The following NETO1 variants were observed in gnomAD, a reference collection of about 807,000 sequenced individuals.
NETO1 encodes neuropilin and tolloid like 1.
In NETO1, 26 loss-of-function variants were observed where a neutral mutation model predicts 61.3. The ratio of observed to expected loss-of-function variants is 0.42; its 90% CI spans 0.31 to 0.59. NETO1 has a LOEUF of 0.59. Ranked by LOEUF, NETO1 falls within the 20% of genes least tolerant of loss-of-function variation. The pLI is 0.12. For synonymous variants in NETO1, 225 were observed against 225.8 expected, an observed-to-expected ratio of 1.00 and a Z score of 0.03; for missense variants, 531 against 662.8, an observed-to-expected ratio of 0.80 and a Z score of 2.18.
chr18:72,790,201 T>C (rs1028039972), intron 6 of NETO1, among the ~76,000 whole-genome samples: 1 of 152,128 alleles, frequency 6.6e-6, no homozygotes, highest in Non-Finnish European at 1.5e-5. Flanking sequence ...TTTGACTCTG[T>C]CCCGTATCCC....
chr18:72,814,913 G>T (rs762432291), intron 4 of NETO1, among the ~76,000 whole-genome samples: 4 of 151,138 alleles, frequency 2.6e-5, no homozygotes, highest in Non-Finnish European at 5.9e-5. Context: ...TACCACCATA[G>T]GGACAGAGCT....
intron 4 of NETO1, among the ~76,000 whole-genome samples, chr18:72,821,930 C>T (rs2145302661): frequency 6.6e-6 from 1 of 152,278 alleles, no homozygotes; most frequent in East Asian, 1.9e-4. Flanking sequence ...GGGTTACAGA[C>T]TTGGCTTTTT....
intron 7 of NETO1, among the ~76,000 whole-genome samples, chr18:72,758,563 G>A (rs1291594730): frequency 6.6e-6 from 1 of 152,216 alleles, no homozygotes; most frequent in Admixed American, 6.5e-5. Flanking sequence ...GAGGCTGGGC[G>A]TGGTGGCTCA....
chr18:72,744,544 G>A lies in NETO1; in HGVS notation c.*3635C>T, dbSNP rs2070392222. 1 of 152,062 alleles carries A rather than the reference G, an allele frequency of 6.6e-6. No homozygotes were observed. The highest frequency in any genetic ancestry group is 6.6e-5 in the Admixed American group (1 of 15,246). The allele number at this position is 152,062 out of a possible 1,614,324, so 9.4% of individuals were successfully genotyped here. On this transcript the variant is annotated 3_prime_UTR_variant, in exon 11 of 11. Transcript: ENST00000327305. ...ACGCTAGAGTGCAATAGATAGAAATGAATCCATGGAGGGAAAAGGGCACAG... is the reference window on the plus strand; with the variant it reads ...ACGCTAGAGTGCAATAGATAGAAATAAATCCATGGAGGGAAAAGGGCACAG...
intron 4 of NETO1, among the ~76,000 whole-genome samples, chr18:72,822,784 C>T (rs764605655): frequency 9.9e-5 from 15 of 152,086 alleles, no homozygotes; most frequent in Non-Finnish European, 1.2e-4. Context: ...TAAGTTTGTA[C>T]ATATAATCAT....
chr18:72,821,234 TA>T (rs10672110), intron 4 of NETO1, among the ~76,000 whole-genome samples: 4,673 of 80,174 alleles, frequency 0.058, 294 homozygotes, highest in East Asian at 0.38. Context: ...TCATATTAAC[TA>T]AAAAAAAAAA....
intron 4 of NETO1, among the ~76,000 whole-genome samples, chr18:72,844,075 G>A (rs976445052): frequency 3.9e-5 from 6 of 152,176 alleles, no homozygotes; most frequent in Admixed American, 1.3e-4. Context: ...TCATTGTTAC[G>A]TCTCTTGAAA....
chr18:72,819,774 G>A (rs1351327606), intron 4 of NETO1, among the ~76,000 whole-genome samples: 1 of 152,042 alleles, frequency 6.6e-6, no homozygotes, highest in Non-Finnish European at 1.5e-5. Flanking sequence ...TACATGTAGA[G>A]AAAGTTCTAA....
At position 72,830,978 on chromosome 18, in the gene NETO1, C is replaced by T. The variant is rs764520373; in HGVS notation, c.469+27848G>A. On this transcript the variant is annotated intron_variant, in intron 4 of 10. Transcript: ENST00000327305. The surrounding 1 kb of genome is among the most constrained non-coding windows in gnomAD (Gnocchi z 4.9). Reference sequence around the variant, plus strand: ...TGCAAAATCTTCTTGATGAGGTATACTATTACCTCATCAAGGTAACAGAAT... The same window carrying T: ...TGCAAAATCTTCTTGATGAGGTATATTATTACCTCATCAAGGTAACAGAAT... Among the ~76,000 whole-genome samples, 4 of 152,102 alleles carry T rather than the reference C, an allele frequency of 2.6e-5. No homozygotes were observed. The highest frequency in any genetic ancestry group is 4.8e-5 in the African/African-American group (2 of 41,406).
chr18:72,853,631 G>T (rs2074324979), intron 4 of NETO1, among the ~76,000 whole-genome samples: 1 of 151,744 alleles, frequency 6.6e-6, no homozygotes, highest in South Asian at 2.1e-4. Flanking sequence ...GGAGTTGCAT[G>T]CCTGGAATCC....
At chr18:72,848,387 A>G (rs2074152164) in intron 4 of NETO1, among the ~76,000 whole-genome samples, 1 of 152,044 alleles carries the variant, frequency 6.6e-6, no homozygotes, top group Non-Finnish European at 1.5e-5. Context: ...ACATCACACC[A>G]TCTACATCAT....
At chr18:72,783,051 C>T (rs1185612759) in intron 7 of NETO1, among the ~76,000 whole-genome samples, 1 of 152,104 alleles carries the variant, frequency 6.6e-6, no homozygotes, top group African/African-American at 2.4e-5. Flanking sequence ...ATGAAATATT[C>T]AGGGTTTCTA....
In NETO1 at chr18:72,783,799, C is replaced by T. The variant is rs1365665921; in HGVS notation, c.747G>A (p.Lys249=). ...GSSSVEDLKA[K]FCSTVANDVM... is the part of the protein sequence containing the mutation. ...CATCATTAGCCACAGTGCTACAGAA[C>T]TTAGCTTTCAAATCCTCCACGGAAC... The change falls in exon 7 of 11, where the codon AAG becomes AAA. Residue 249 remains lysine, a synonymous_variant. Transcript: ENST00000327305. 10 of 1,614,204 alleles carry T rather than the reference C, an allele frequency of 6.2e-6. No individual in the cohort carries two copies. Among genetic ancestry groups the T allele is most frequent in the Non-Finnish European group, 8.5e-6 (10 of 1,180,028 alleles).
In NETO1 at chr18:72,833,624, T is replaced by C. The variant is rs564833967; in HGVS notation, c.469+25202A>G. Among the ~76,000 whole-genome samples, 142 of 152,250 alleles carry C rather than the reference T, an allele frequency of 9.3e-4. 1 individual carries two copies. The South Asian group carries it at 0.023, about 24-fold the overall frequency. Reference sequence around the variant, plus strand: ...CTCTCACGACATCCCCGAACCCAACTACAGGCCTGCCACATTGCTCATACT... The same window carrying C: ...CTCTCACGACATCCCCGAACCCAACCACAGGCCTGCCACATTGCTCATACT... On this transcript the variant is annotated intron_variant, in intron 4 of 10. Transcript: ENST00000327305.
chr18:72,794,668 C>G (rs533167117), intron 4 of NETO1, among the ~76,000 whole-genome samples: 1 of 152,196 alleles, frequency 6.6e-6, no homozygotes, highest in East Asian at 1.9e-4. Flanking sequence ...TTTCCTGCCT[C>G]TAATTATCAA....
intron 6 of NETO1, among the ~76,000 whole-genome samples, chr18:72,793,525 T>C (rs1203861051): frequency 2.0e-5 from 3 of 152,196 alleles, no homozygotes. Context: ...ATCTAGACTT[T>C]TGGCAAGTTA....
At chr18:72,858,475 ATAC>A in intron 4 of NETO1, among the ~76,000 whole-genome samples, 1 of 152,308 alleles carries the variant, frequency 6.6e-6, no homozygotes, top group South Asian at 2.1e-4. Flanking sequence ...ATATTTTATA[ATAC>A]TACAATTGTC....
At chr18:72,759,771 A>C (rs751897826) in intron 7 of NETO1, among the ~76,000 whole-genome samples, 1 of 152,178 alleles carries the variant, frequency 6.6e-6, no homozygotes, top group Non-Finnish European at 1.5e-5. Context: ...GACTTATTCT[A>C]CTTACGAGAT....
intron 7 of NETO1, among the ~76,000 whole-genome samples, chr18:72,773,830 T>A (rs991421969): frequency 6.6e-6 from 1 of 151,732 alleles, no homozygotes; most frequent in African/African-American, 2.4e-5. Flanking sequence ...GAGAACAAAC[T>A]AATACAAGGT....
Sources: allele counts gnomAD v4.1 joint callset (sites outside exome capture counted in the v4.1 genomes callset), GRCh38; gene constraint gnomAD v4.1.1; non-coding constraint Gnocchi (gnomAD v3.1); transcripts MANE v1.5; gene names NCBI Gene and HGNC (gene_info 2026-07-23, HGNC 2026-07-21).